NR5A2: variants seen among roughly 807,000 people sequenced by gnomAD.
NR5A2 encodes the protein CYP7A promoter-binding factor.
A neutral mutation model predicts 62.7 loss-of-function variants in NR5A2; 26 were observed. The ratio of observed to expected loss-of-function variants is 0.41; its 90% confidence interval spans 0.30 to 0.58. The LOEUF is 0.58. Among genes scored for constraint, NR5A2 ranks in the 20% least tolerant of loss-of-function variants. NR5A2 has a pLI of 0.22. For missense variants in NR5A2, 541 were observed against 669.1 expected (o/e 0.81, Z 2.11); for synonymous variants, 246 against 241.7 (o/e 1.02, Z -0.16).
chr1:200,028,988 T>TG (rs1195231964), intron 1 of NR5A2: 1 of 412,554 alleles, frequency 2.4e-6, no homozygotes, highest in Non-Finnish European at 4.8e-6. Flanking sequence ...AAAGAAAACA[T>TG]GGGGAAGGTA....
At chr1:200,105,275 T>C (rs1057483015) in intron 5 of NR5A2, among the ~76,000 whole-genome samples, 1 of 152,080 alleles carries the variant, frequency 6.6e-6, no homozygotes, top group African/African-American at 2.4e-5. Context: ...TTTTTTTCCC[T>C]ACATTATACT....
intron 6 of NR5A2, among the ~76,000 whole-genome samples, chr1:200,118,451 C>G (rs748508188): frequency 2.0e-5 from 3 of 152,158 alleles, no homozygotes; most frequent in Non-Finnish European, 4.4e-5. Flanking sequence ...GTGAGAGGTA[C>G]CTTATTATCA....
chr1:200,051,887 C>T (rs1301947497), intron 5 of NR5A2, among the ~76,000 whole-genome samples: 10 of 152,018 alleles, frequency 6.6e-5, no homozygotes, highest in Non-Finnish European at 1.3e-4. Context: ...TATTTTATGG[C>T]AGGACATAGT....
At chr1:200,042,741 A>G (rs1472566211) in intron 2 of NR5A2, 2 of 917,224 alleles carry the variant, frequency 2.2e-6, no homozygotes, top group African/African-American at 1.8e-5. Context: ...GCGCTCCCAT[A>G]CTTGACCTGT....
chr1:200,118,180 C>A (rs1166631499), intron 6 of NR5A2, among the ~76,000 whole-genome samples: 1 of 150,946 alleles, frequency 6.6e-6, no homozygotes, highest in Admixed American at 6.6e-5. Flanking sequence ...CCACGCCCAG[C>A]TAATTTCTGT....
chr1:200,109,251 C>G (rs1244383803), intron 5 of NR5A2, among the ~76,000 whole-genome samples: 1 of 152,172 alleles, frequency 6.6e-6, no homozygotes, highest in African/African-American at 2.4e-5. Context: ...GATGCCTTTT[C>G]CTGATCACAG....
intron 5 of NR5A2, among the ~76,000 whole-genome samples, chr1:200,062,227 TTG>T (rs6143563): frequency 0.026 from 3,744 of 145,716 alleles, 143 homozygotes; most frequent in African/African-American, 0.081. Flanking sequence ...CTGGCAGATT[TTG>T]TGTGTGTGTG....
Position 200,144,231 on chromosome 1 carries a change from TCTCACACACACACACA to T in NR5A2, c.1378+23278_1378+23293del, listed in dbSNP as rs1450987405. Among the ~76,000 whole-genome samples the T allele has an allele frequency of 6.8e-3, 480 of 70,852 alleles. 1 individual carries two copies. The highest frequency in any genetic ancestry group is 0.027 in the African/African-American group (472 of 17,500). The allele number at this position is 70,852 out of a possible 152,430, so 46.5% of individuals were successfully genotyped here. ...AGCACTGTTTCTCTCTCTCTCTCTCTCTCACACACACACACACACACACACACACACACACACACAG... is the reference window on the plus strand; with the variant it reads ...AGCACTGTTTCTCTCTCTCTCTCTCTCACACACACACACACACACACACAG... On this transcript the variant is annotated intron_variant, in intron 7 of 7. Coordinates refer to ENST00000367362, the MANE Select transcript of NR5A2 (RefSeq NM_205860.3).
chr1:200,040,749 G>A (rs1054769305), intron 2 of NR5A2, among the ~76,000 whole-genome samples: 2 of 152,234 alleles, frequency 1.3e-5, no homozygotes, highest in Non-Finnish European at 2.9e-5. Context: ...AGGACTGGGA[G>A]GTGTTGAGAG....
intron 6 of NR5A2, among the ~76,000 whole-genome samples, chr1:200,113,868 G>C (rs1666079068): frequency 6.6e-6 from 1 of 152,082 alleles, no homozygotes; most frequent in Non-Finnish European, 1.5e-5. Context: ...CAATATGCTA[G>C]AGGAAAAGAG....
chr1:200,141,387 A>G (rs767670661), intron 7 of NR5A2, among the ~76,000 whole-genome samples: 7 of 152,138 alleles, frequency 4.6e-5, no homozygotes, highest in Non-Finnish European at 1.0e-4. Context: ...TGGAATTGGC[A>G]TCTTTCACTC....
At chr1:200,043,708 G>T in intron 2 of NR5A2, 66 bp from the exon 3 acceptor site, 1 of 1,002,336 alleles carries the variant, frequency 1.0e-6, no homozygotes, top group Admixed American at 2.4e-5. Flanking sequence ...AATGCTTTTT[G>T]TTGCAGGATT....
At chr1:200,133,278 G>A (rs1229953154) in intron 7 of NR5A2, among the ~76,000 whole-genome samples, 1 of 151,840 alleles carries the variant, frequency 6.6e-6, no homozygotes, top group East Asian at 1.9e-4. Context: ...CCTGAACTTT[G>A]GAGGGCAGAA....
chr1:200,076,416 T>G (rs1163060048), intron 5 of NR5A2, among the ~76,000 whole-genome samples: 1 of 151,872 alleles, frequency 6.6e-6, no homozygotes, highest in African/African-American at 2.4e-5. Context: ...AAATTGTTTG[T>G]GGATGGAAAA....
At chr1:200,041,248 A>C (rs1048701294) in intron 2 of NR5A2, among the ~76,000 whole-genome samples, 4 of 152,138 alleles carry the variant, frequency 2.6e-5, no homozygotes, top group African/African-American at 9.7e-5. Flanking sequence ...GAGAAATGTT[A>C]TTGGTAACGT....
intron 5 of NR5A2, among the ~76,000 whole-genome samples, chr1:200,076,040 G>A (rs916246481): frequency 1.3e-5 from 2 of 152,154 alleles, no homozygotes; most frequent in Non-Finnish European, 2.9e-5. Flanking sequence ...GAGGGTGGGT[G>A]AGGAAGTTAT....
At chr1:200,063,282 G>A (rs2816914) in intron 5 of NR5A2, among the ~76,000 whole-genome samples, 2,695 of 150,638 alleles carry the variant, frequency 0.018, 78 homozygotes, top group African/African-American at 0.063. Context: ...CCTCGGCCTC[G>A]CAAAGTGCTG....
intron 5 of NR5A2, among the ~76,000 whole-genome samples, chr1:200,086,074 C>T (rs572834665): frequency 1.1e-3 from 174 of 152,148 alleles, no homozygotes; most frequent in Non-Finnish European, 2.2e-3. Flanking sequence ...ACTCGTGAGT[C>T]GTTTGGAGAT....
chr1:200,169,828 G>A (rs1017838679), intron 7 of NR5A2, among the ~76,000 whole-genome samples: 1 of 152,182 alleles, frequency 6.6e-6, no homozygotes, highest in East Asian at 1.9e-4. Flanking sequence ...TTATTAACTG[G>A]TGTTTTTAAA....
Sources: gnomAD v4.1 joint callset for allele counts (sites outside exome capture counted in the v4.1 genomes callset) on GRCh38, gnomAD v4.1.1 for gene constraint, MANE v1.5 for transcripts, NCBI Gene and HGNC (gene_info 2026-07-23, HGNC 2026-07-21) for gene names.